GABRG3: variants seen among roughly 807,000 people sequenced by gnomAD.
GABRG3 encodes the protein gamma-aminobutyric acid type A receptor subunit gamma3.
GABRG3 carries 25 observed loss-of-function variants against 48.8 expected under a neutral mutation model. That is an observed-to-expected ratio of 0.51 (90% CI 0.37 to 0.72). The LOEUF (loss-of-function observed/expected upper bound fraction) is 0.72. Ranked by LOEUF, GABRG3 falls within the 30% of genes least tolerant of loss-of-function variation. The probability of loss-of-function intolerance (pLI) is 0.00; values close to 1 mark genes in which losing one functional copy is unlikely to be tolerated. For synonymous variants in GABRG3, 227 were observed against 217.6 expected (o/e 1.04, Z -0.38); for missense variants, 394 against 577.9 (o/e 0.68, Z 3.26).
intron 3 of GABRG3, among the ~76,000 whole-genome samples, chr15:27,140,513 C>G (rs1898084391): frequency 6.6e-6 from 1 of 152,120 alleles, no homozygotes; most frequent in Non-Finnish European, 1.5e-5. Context: ...CCATTTTCCC[C>G]TCCTTTTTAG....
intron 3 of GABRG3, among the ~76,000 whole-genome samples, chr15:27,171,982 C>T (rs888899094): frequency 1.3e-5 from 2 of 150,166 alleles, no homozygotes; most frequent in South Asian, 2.1e-4. Flanking sequence ...TGTCACATGC[C>T]GAATAAGCAC....
chr15:27,065,969 T>C (rs989801036), intron 3 of GABRG3, among the ~76,000 whole-genome samples: 7 of 152,322 alleles, frequency 4.6e-5, no homozygotes, highest in African/African-American at 1.4e-4. Flanking sequence ...AAAAATATTC[T>C]CTGCAGGAAG....
At chr15:27,149,185 T>C (rs1898264526) in intron 3 of GABRG3, among the ~76,000 whole-genome samples, 2 of 152,190 alleles carry the variant, frequency 1.3e-5, no homozygotes, top group African/African-American at 2.4e-5. Flanking sequence ...ACAGAACATA[T>C]TGAATTTTAT....
chr15:27,181,999 TTATAA>T (rs1887947648), intron 3 of GABRG3, among the ~76,000 whole-genome samples: 2 of 149,198 alleles, frequency 1.3e-5, no homozygotes, highest in African/African-American at 4.9e-5. Flanking sequence ...TATAATAATA[TTATAA>T]TAATATAATA....
intron 2 of GABRG3, among the ~76,000 whole-genome samples, chr15:26,982,550 G>T (rs1482360537): frequency 6.6e-6 from 1 of 152,172 alleles, no homozygotes; most frequent in African/African-American, 2.4e-5. Flanking sequence ...TGCAGCGCTT[G>T]CAAGAAGATA....
chr15:27,186,667 T>C (rs6422899), intron 3 of GABRG3, among the ~76,000 whole-genome samples: 90,263 of 151,916 alleles, frequency 0.59, 27,596 homozygotes, highest in East Asian at 0.81. Context: ...TGCCAACATC[T>C]CTTATTTTCT....
At chr15:27,394,131 T>C (rs993545934) in intron 5 of GABRG3, among the ~76,000 whole-genome samples, 1 of 152,196 alleles carries the variant, frequency 6.6e-6, no homozygotes, top group Admixed American at 6.5e-5. Flanking sequence ...GGTTTTTATA[T>C]TTGTTTTCTG....
intron 7 of GABRG3, among the ~76,000 whole-genome samples, chr15:27,525,076 G>A (rs930853175): frequency 1.3e-5 from 2 of 151,636 alleles, no homozygotes; most frequent in Admixed American, 6.6e-5. Flanking sequence ...AAAGGCTAAC[G>A]AAACTATGGA....
chr15:27,023,937 A>G (rs1895941517), intron 2 of GABRG3, among the ~76,000 whole-genome samples: 1 of 152,122 alleles, frequency 6.6e-6, no homozygotes. Flanking sequence ...AAGGATTACA[A>G]TTTCTTCATA....
intron 2 of GABRG3, among the ~76,000 whole-genome samples, chr15:27,024,595 T>C (rs1407219904): frequency 3.3e-5 from 5 of 152,240 alleles, no homozygotes; most frequent in African/African-American, 4.8e-5. Flanking sequence ...GGCAACTTTG[T>C]GAAAGATCAT....
chr15:27,061,749 A>C (rs1470955356), intron 3 of GABRG3, among the ~76,000 whole-genome samples: 1 of 152,090 alleles, frequency 6.6e-6, no homozygotes, highest in Admixed American at 6.5e-5. Flanking sequence ...TTTGACCCTG[A>C]CTTAGTTGAT....
At chr15:27,021,835 C>A (rs1410879023) in intron 2 of GABRG3, among the ~76,000 whole-genome samples, 1 of 152,030 alleles carries the variant, frequency 6.6e-6, no homozygotes, top group South Asian at 2.1e-4. Flanking sequence ...AGAGCAAGAC[C>A]CTGCCTCAAA....
At chr15:27,393,535 CT>C (rs1887211706) in intron 5 of GABRG3, among the ~76,000 whole-genome samples, 1 of 151,982 alleles carries the variant, frequency 6.6e-6, no homozygotes, top group South Asian at 2.1e-4. Context: ...TCTGTATACC[CT>C]TCTATATCTA....
At chr15:26,992,448 C>A (rs1895266245) in intron 2 of GABRG3, among the ~76,000 whole-genome samples, 2 of 152,122 alleles carry the variant, frequency 1.3e-5, no homozygotes, top group South Asian at 4.1e-4. Flanking sequence ...TGATATTAAA[C>A]TTTATCAAAT....
At chr15:27,086,149 G>A (rs1418777984) in intron 3 of GABRG3, among the ~76,000 whole-genome samples, 1 of 150,990 alleles carries the variant, frequency 6.6e-6, no homozygotes, top group African/African-American at 2.4e-5. Flanking sequence ...AAAGGACATG[G>A]AGTAGAGGGA....
intron 3 of GABRG3, among the ~76,000 whole-genome samples, chr15:27,308,659 CAT>C (rs576840944): frequency 9.8e-4 from 145 of 148,462 alleles, no homozygotes; most frequent in African/African-American, 2.7e-3. Flanking sequence ...TATGTATAAA[CAT>C]ATAATGTAAA....
intron 2 of GABRG3, among the ~76,000 whole-genome samples, chr15:26,983,566 G>A (rs1368422044): frequency 7.2e-5 from 11 of 152,166 alleles, no homozygotes; most frequent in African/African-American, 2.7e-4. Context: ...GAGCCCAGGA[G>A]TTTGAGACCA....
intron 3 of GABRG3, among the ~76,000 whole-genome samples, chr15:27,304,486 G>A (rs1317593047): frequency 6.6e-6 from 1 of 151,946 alleles, no homozygotes; most frequent in Non-Finnish European, 1.5e-5. Context: ...AAGTCAGTGT[G>A]TCAGTGGAGC....
chr15:27,261,319 T>C (rs948671029), intron 3 of GABRG3, among the ~76,000 whole-genome samples: 5 of 152,042 alleles, frequency 3.3e-5, no homozygotes, highest in Non-Finnish European at 7.4e-5. Flanking sequence ...CTAAAATTGA[T>C]AAATCAAGAT....
Sources: gnomAD v4.1 joint callset for allele counts (sites outside exome capture counted in the v4.1 genomes callset) on GRCh38, gnomAD v4.1.1 for gene constraint, MANE v1.5 for transcripts, NCBI Gene and HGNC (gene_info 2026-07-23, HGNC 2026-07-21) for gene names.